The following ANKHD1 variants were observed in gnomAD, a reference collection of about 807,000 sequenced individuals.
The protein encoded by ANKHD1 is ankyrin repeat and KH domain-containing protein 1.
ANKHD1 carries 31 observed loss-of-function variants against 230.5 expected under a neutral mutation model. The ratio of observed to expected loss-of-function variants is 0.13; its 90% CI spans 0.10 to 0.18. ANKHD1 has a LOEUF of 0.18. Among genes scored for constraint, ANKHD1 ranks in the 10% least tolerant of loss-of-function variants. ANKHD1 has a pLI of 1.00. For synonymous variants in ANKHD1, 1,074 were observed against 1,117.6 expected, an observed-to-expected ratio of 0.96 and a Z score of 0.78; for missense variants, 2,256 against 3,071.3, an observed-to-expected ratio of 0.73 and a Z score of 6.27.
chr5:140,510,676 T>G (rs1752727384), intron 22 of ANKHD1, among the ~76,000 whole-genome samples: 1 of 152,190 alleles, frequency 6.6e-6, no homozygotes, highest in Admixed American at 6.5e-5. Flanking sequence ...GTTAAATCAC[T>G]TGGTGTCTTG....
chr5:140,501,167 C>T (rs1274906494), intron 15 of ANKHD1, among the ~76,000 whole-genome samples: 2 of 151,162 alleles, frequency 1.3e-5, no homozygotes, highest in African/African-American at 2.4e-5. Context: ...CCTCCGCCTC[C>T]CAGGTTCAAG....
intron 9 of ANKHD1, among the ~76,000 whole-genome samples, chr5:140,464,360 A>G (rs1213949424): frequency 1.3e-5 from 2 of 152,218 alleles, no homozygotes; most frequent in Non-Finnish European, 2.9e-5. Context: ...ACAAACCAAA[A>G]GTACCACCAA....
At chr5:140,497,390 A>G (rs1752080830) in intron 15 of ANKHD1, 112 bp downstream of exon 15, 1 of 1,453,220 alleles carries the variant, frequency 6.9e-7, no homozygotes. Flanking sequence ...GAACTTTGTA[A>G]AATTACCCAT....
At chr5:140,435,968 A>G (rs1269237239) in intron 1 of ANKHD1, 136 bp from the exon 2 acceptor site, 1 of 1,183,820 alleles carries the variant, frequency 8.4e-7, no homozygotes, top group Admixed American at 3.6e-5. Flanking sequence ...GTCCATTCCC[A>G]TACTCCCTTG....
intron 10 of ANKHD1, among the ~76,000 whole-genome samples, chr5:140,466,395 A>G (rs1459020356): frequency 6.7e-6 from 1 of 148,950 alleles, no homozygotes; most frequent in Non-Finnish European, 1.5e-5. Flanking sequence ...GCCATCTCAA[A>G]AAAAAAAAAA....
At chr5:140,464,027 G>C (rs180868284) in intron 9 of ANKHD1, among the ~76,000 whole-genome samples, 110 of 151,992 alleles carry the variant, frequency 7.2e-4, no homozygotes, top group Non-Finnish European at 1.3e-3. Context: ...CCTAAGGTTG[G>C]GAGTTCAAGA....
intron 14 of ANKHD1, among the ~76,000 whole-genome samples, chr5:140,489,086 A>C (rs1385985475): frequency 1.3e-5 from 2 of 151,750 alleles, no homozygotes; most frequent in African/African-American, 4.8e-5. Flanking sequence ...GCTGCTAGGG[A>C]GACTGTAGTG....
chr5:140,522,707 T>C (rs1753407069), intron 24 of ANKHD1, among the ~76,000 whole-genome samples: 1 of 152,214 alleles, frequency 6.6e-6, no homozygotes, highest in Non-Finnish European at 1.5e-5. Flanking sequence ...AATCATATGC[T>C]AGTTCTGTGT....
At chr5:140,477,919 CT>C (rs1236009255) in intron 10 of ANKHD1, among the ~76,000 whole-genome samples, 1 of 152,086 alleles carries the variant, frequency 6.6e-6, no homozygotes, top group Non-Finnish European at 1.5e-5. Context: ...CAGGAAAATA[CT>C]TTTATAAAAT....
intron 4 of ANKHD1, among the ~76,000 whole-genome samples, 185 bp downstream of exon 4, chr5:140,440,451 T>G (rs1773773512): frequency 6.6e-6 from 1 of 152,234 alleles, no homozygotes; most frequent in African/African-American, 2.4e-5. Context: ...CCGGTACATG[T>G]AACTGAGAAT....
intron 9 of ANKHD1, among the ~76,000 whole-genome samples, chr5:140,462,655 G>A (rs1482034360): frequency 7.1e-6 from 1 of 141,266 alleles, no homozygotes; most frequent in Admixed American, 7.8e-5. Context: ...AACCCGAGAG[G>A]CAGAGCTTGC....
Position 140,509,712 on chromosome 5 carries a change from G to A in ANKHD1, c.3841G>A (p.Ala1281Thr). ...EVGRVLLDKG[A>T]DVNAPPVPSS... Reference sequence around the variant, plus strand: ...TGGAAGAGTTCTTCTTGATAAAGGAGCAGATGTTAATGCTCCCCCTGTGCC... The same window carrying A: ...TGGAAGAGTTCTTCTTGATAAAGGAACAGATGTTAATGCTCCCCCTGTGCC... Residue 1281 changes from alanine (A) to threonine (T), a missense_variant, in exon 21 of 34, where the codon GCA (alanine) becomes ACA (threonine). Physicochemically the swap from Ala to Thr is moderately conservative, Grantham distance 58 (BLOSUM62 0). This residue lies in a region of ANKHD1 where 195 missense variants were observed against 340.3 expected (regional missense o/e 0.57). Transcript: ENST00000360839. 6.2e-7 allele frequency: 1 copy of A among 1,613,440 alleles called. No individual in the cohort carries two copies. The highest frequency in any genetic ancestry group is 8.5e-7 in the Non-Finnish European group (1 of 1,179,846).
At chr5:140,423,839 A>G (rs184686455) in intron 1 of ANKHD1, among the ~76,000 whole-genome samples, 1 of 152,174 alleles carries the variant, frequency 6.6e-6, no homozygotes, top group East Asian at 1.9e-4. Flanking sequence ...GGTTGGGCCT[A>G]ATAAGAGGTA....
At chr5:140,495,889 C>A (rs1436069350) in intron 14 of ANKHD1, among the ~76,000 whole-genome samples, 1 of 151,974 alleles carries the variant, frequency 6.6e-6, no homozygotes, top group Non-Finnish European at 1.5e-5. Context: ...TAACAGTGTT[C>A]CAGTACAGAT....
chr5:140,505,295 A>G (rs1232751946), intron 17 of ANKHD1, 62 bp downstream of exon 17: 5 of 1,532,970 alleles, frequency 3.3e-6, no homozygotes, highest in Admixed American at 1.8e-5. Context: ...TAACTTTTTT[A>G]TTATTGATAA....
intron 29 of ANKHD1, among the ~76,000 whole-genome samples, 164 bp from the exon 30 acceptor site, chr5:140,535,198 T>C (rs1453384761): frequency 6.6e-6 from 1 of 152,226 alleles, no homozygotes; most frequent in East Asian, 1.9e-4. Context: ...CAGTATCACA[T>C]AGATGGATTG....
intron 10 of ANKHD1, among the ~76,000 whole-genome samples, chr5:140,475,786 G>A (rs1050713253): frequency 3.3e-5 from 5 of 152,126 alleles, no homozygotes; most frequent in Admixed American, 3.3e-4. Context: ...CTGATGAGGA[G>A]TACATCTGTG....
chr5:140,462,499 C>T (rs535278058), intron 9 of ANKHD1, among the ~76,000 whole-genome samples: 2 of 151,272 alleles, frequency 1.3e-5, no homozygotes, highest in Admixed American at 1.3e-4. Flanking sequence ...CCGAGGTGGG[C>T]GGATCACAAG....
chr5:140,466,092 T>C (rs1281660253), intron 10 of ANKHD1, among the ~76,000 whole-genome samples: 1 of 152,198 alleles, frequency 6.6e-6, no homozygotes, highest in Non-Finnish European at 1.5e-5. Context: ...TTGGGAGTTC[T>C]TCTAAAAAAT....
Sources: gnomAD v4.1 joint callset for allele counts (sites outside exome capture counted in the v4.1 genomes callset) on GRCh38, gnomAD v4.1.1 for gene constraint, gnomAD v4.1.1 regional missense constraint, MANE v1.5 for transcripts, NCBI Gene and HGNC (gene_info 2026-07-23, HGNC 2026-07-21) for gene names.